GMEB2: variants seen among roughly 807,000 people sequenced by gnomAD.
The protein encoded by GMEB2 is glucocorticoid modulatory element-binding protein 2.
In GMEB2, 7 loss-of-function variants were observed where a neutral mutation model predicts 45.7. The ratio of observed to expected loss-of-function variants is 0.15; its 90% CI spans 0.09 to 0.29. The LOEUF (loss-of-function observed/expected upper bound fraction) is 0.29, where lower values mean the gene tolerates loss of function less well. Among genes scored for constraint, GMEB2 ranks in the 10% least tolerant of loss-of-function variants. GMEB2 has a pLI of 1.00. For missense variants in GMEB2, 582 were observed against 739.2 expected (o/e 0.79, Z 2.47); for synonymous variants, 322 against 323.6 (o/e 1.00, Z 0.05).
chr20:63,604,895 G>A, intron 2 of GMEB2, 55 bp from the exon 3 acceptor site: 1 of 967,056 alleles, frequency 1.0e-6, no homozygotes, highest in Non-Finnish European at 1.7e-6. Flanking sequence ...GGCACAACCT[G>A]CAGGGCACTA....
In GMEB2 at chr20:63,626,997, G is replaced by C. The variant is rs2089680029; in HGVS notation, c.-99C>G. The C allele has an allele frequency of 6.7e-6, 1 of 148,944 alleles. No homozygotes were observed. The highest frequency in any genetic ancestry group is 6.8e-5 in the Admixed American group (1 of 14,750). 9.2% of individuals were successfully genotyped at this position (148,944 alleles called of 1,614,324 possible). On this transcript the variant is annotated 5_prime_UTR_variant, in exon 1 of 10. Coordinates refer to ENST00000370077, the MANE Select transcript of GMEB2 (RefSeq NM_012384.5). ...CCTGCTTAGGCACCCGGCGGGGGCGGCGGCGTCGGGAGCTGCGGCGGCGGC... is the reference window on the plus strand; with the variant it reads ...CCTGCTTAGGCACCCGGCGGGGGCGCCGGCGTCGGGAGCTGCGGCGGCGGC...
intron 4 of GMEB2, among the ~76,000 whole-genome samples, chr20:63,601,917 C>A (rs1168278140): frequency 1.3e-5 from 2 of 150,682 alleles, no homozygotes; most frequent in African/African-American, 4.9e-5. Flanking sequence ...TCCGTGGGGC[C>A]TGTGGCTTCT....
intron 2 of GMEB2, among the ~76,000 whole-genome samples, chr20:63,607,006 C>T (rs1328304906): frequency 1.3e-5 from 2 of 152,220 alleles, no homozygotes; most frequent in Admixed American, 6.5e-5. Context: ...GGGCACTCCG[C>T]CTGCAGCCTA....
intron 4 of GMEB2, among the ~76,000 whole-genome samples, chr20:63,600,990 C>G (rs2083237817): frequency 6.6e-6 from 1 of 152,152 alleles, no homozygotes; most frequent in African/African-American, 2.4e-5. Context: ...TGCCAGCTTT[C>G]CCACCACAGC....
rs1295710525 is a variant in GMEB2 at position 63,612,764 on chromosome 20, C to T, written c.131+6503G>A. 3.4e-5 allele frequency among the ~76,000 whole-genome samples: 4 copies of T among 119,072 alleles called. 1 individual carries two copies. Among genetic ancestry groups the T allele is most frequent in the Admixed American group, 1.6e-4 (2 of 12,656 alleles). The allele number at this position is 119,072 out of a possible 152,430, so 78.1% of individuals were successfully genotyped here. A position where few individuals can be genotyped will look rare whatever the true frequency, so the allele number is the denominator to read the frequency against. ...GCCACCCAGCCGAGCCTACCTGTGC[C>T]TCAGACTGCCTCCCTCCAGAGACCC... On this transcript the variant is annotated intron_variant, in intron 2 of 9. Coordinates refer to ENST00000370077, the MANE Select transcript of GMEB2 (RefSeq NM_012384.5).
intron 1 of GMEB2, among the ~76,000 whole-genome samples, chr20:63,620,836 C>A (rs948685284): frequency 1.3e-5 from 2 of 152,058 alleles, no homozygotes; most frequent in African/African-American, 4.8e-5. Context: ...ATCCAGAACA[C>A]GATCAAACTT....
rs1233363062 is a variant in GMEB2, at chr20:63,593,591, C to CT, written c.620-510dup. Among the ~76,000 whole-genome samples, 2 of 152,110 alleles carry CT rather than the reference C, an allele frequency of 1.3e-5. No individual in the cohort carries two copies. The highest frequency in any genetic ancestry group is 4.8e-5 in the African/African-American group (2 of 41,412). On this transcript the variant is annotated intron_variant, in intron 6 of 9. Transcript: ENST00000370077. The surrounding 1 kb of genome is among the most constrained non-coding windows in gnomAD (Gnocchi z 4.7). ...TTTTTCTACACCAGAACAAGTGGGG[C>CT]TTTGAGAGACAGAAACCGTCCTGGC...
intron 1 of GMEB2, among the ~76,000 whole-genome samples, chr20:63,625,380 C>A (rs947850823): frequency 3.7e-4 from 56 of 151,946 alleles, no homozygotes; most frequent in Admixed American, 2.6e-4. Flanking sequence ...ATCATGTTGG[C>A]CAGGCTGGTC....
intron 1 of GMEB2, among the ~76,000 whole-genome samples, chr20:63,621,840 T>C (rs1398825170): frequency 6.6e-6 from 1 of 151,406 alleles, no homozygotes; most frequent in Admixed American, 6.6e-5. Flanking sequence ...AGAAAAATTT[T>C]CATGGCCAGG....
rs1323950758 is a variant in GMEB2, at chr20:63,588,895, G to A, written c.*1194C>T. On this transcript the variant is annotated 3_prime_UTR_variant, in exon 10 of 10. Transcript: ENST00000370077. Reference sequence around the variant, plus strand: ...GCCTGGTCTTCCTTGTGAGTCCAAGGCCAGGTCTCAGGACAGCCACAGACA... The same window carrying A: ...GCCTGGTCTTCCTTGTGAGTCCAAGACCAGGTCTCAGGACAGCCACAGACA... 2.5e-6 allele frequency: 1 copy of A among 398,708 alleles called. No homozygotes were observed. Among genetic ancestry groups the A allele is most frequent in the Non-Finnish European group, 4.4e-6 (1 of 226,134 alleles). 24.7% of individuals were successfully genotyped at this position (398,708 alleles called of 1,614,324 possible).
intron 2 of GMEB2, among the ~76,000 whole-genome samples, chr20:63,610,786 C>T (rs993274333): frequency 6.6e-6 from 1 of 152,218 alleles, no homozygotes; most frequent in Non-Finnish European, 1.5e-5. Context: ...CCCTCTGGTC[C>T]TTCATGGCTC....
chr20:63,596,838 C>T (rs1601009366), intron 5 of GMEB2, among the ~76,000 whole-genome samples: 1 of 152,078 alleles, frequency 6.6e-6, no homozygotes, highest in Non-Finnish European at 1.5e-5. Flanking sequence ...GACAATATGG[C>T]AAAATCCCGT....
intron 4 of GMEB2, among the ~76,000 whole-genome samples, chr20:63,600,818 G>T (rs1167568454): frequency 1.3e-5 from 2 of 151,814 alleles, no homozygotes; most frequent in Admixed American, 1.3e-4. Context: ...TATTAACGTA[G>T]GCTGTCTCTC....
At position 63,588,342 on chromosome 20, in the gene GMEB2, A is replaced by AG. The variant is rs1253968398; in HGVS notation, c.*1746dup. 2 of 160,004 alleles carry AG rather than the reference A, an allele frequency of 1.2e-5. No individual in the cohort carries two copies. Among genetic ancestry groups the AG allele is most frequent in the African/African-American group, 4.8e-5 (2 of 41,788 alleles). The allele number at this position is 160,004 out of a possible 1,614,324, so 9.9% of individuals were successfully genotyped here. A position where few individuals can be genotyped will look rare whatever the true frequency, so the allele number is the denominator to read the frequency against. On this transcript the variant is annotated 3_prime_UTR_variant, in exon 10 of 10. Coordinates refer to ENST00000370077, the MANE Select transcript of GMEB2 (RefSeq NM_012384.5). ...GGAAGGTTGCGGGTCCCAGGGTCAC[A>AG]GGCAGCTGTATTAGTGACAGGTTCT...
chr20:63,593,229 C>G lies in GMEB2; in HGVS notation c.620-147G>C, dbSNP rs2083165465. 10 of 612,564 alleles carry G rather than the reference C, an allele frequency of 1.6e-5. No individual in the cohort carries two copies. The highest frequency in any genetic ancestry group is 3.0e-5 in the Non-Finnish European group (10 of 331,864). 37.9% of individuals were successfully genotyped at this position (612,564 alleles called of 1,614,324 possible). The stretch of plus-strand genomic sequence containing the variant: ...AAACACAGGATACGCACTAGTACAG[C>G]CAAAGTGTACCTGCCTTATATTTTA... On this transcript the variant is annotated intron_variant, in intron 6 of 9. Coordinates refer to ENST00000370077, the MANE Select transcript of GMEB2 (RefSeq NM_012384.5). This position sits in a 1 kb window ranked among gnomAD's most constrained non-coding sequence, Gnocchi z 4.7.
chr20:63,616,903 T>C lies in GMEB2; in HGVS notation c.131+2364A>G, dbSNP rs145869576. On this transcript the variant is annotated intron_variant, in intron 2 of 9. Transcript: ENST00000370077. ...TCCCCAGTGTGACTGTATTTAAAGA[T>C]GGGGTCTTCAGGAGATAATTTAAAT... is the stretch of plus-strand genomic sequence containing the variant. 4.9e-3 allele frequency among the ~76,000 whole-genome samples: 753 copies of C among 152,170 alleles called. 5 individuals are homozygous for C. Among genetic ancestry groups the C allele is most frequent in the South Asian group, 7.5e-3 (36 of 4,822 alleles).
intron 2 of GMEB2, among the ~76,000 whole-genome samples, chr20:63,607,259 C>T (rs1197353534): frequency 7.0e-5 from 10 of 142,756 alleles, no homozygotes; most frequent in African/African-American, 2.4e-4. Flanking sequence ...AGAAACATGC[C>T]CCTCTGACCC....
intron 1 of GMEB2, among the ~76,000 whole-genome samples, chr20:63,626,644 G>A (rs1039300859): frequency 3.3e-5 from 5 of 151,720 alleles, no homozygotes; most frequent in African/African-American, 1.2e-4. Flanking sequence ...CCTGCGGGTC[G>A]CACCCCTGCG....
In GMEB2 at chr20:63,596,833, T is replaced by C. The variant is rs534401713; in HGVS notation, c.461+924A>G. On this transcript the variant is annotated intron_variant, in intron 5 of 9. Transcript: ENST00000370077. ...AAGTGTTCGAGACCAGCCTGGACAATATGGCAAAATCCCGTCTCTACTAAA... is the reference window on the plus strand; with the variant it reads ...AAGTGTTCGAGACCAGCCTGGACAACATGGCAAAATCCCGTCTCTACTAAA... 2.0e-5 allele frequency among the ~76,000 whole-genome samples: 3 copies of C among 152,180 alleles called. No individual in the cohort carries two copies. The South Asian group carries it at 6.2e-4, about 32-fold the overall frequency.
Sources: allele counts gnomAD v4.1 joint callset (sites outside exome capture counted in the v4.1 genomes callset), GRCh38; gene constraint gnomAD v4.1.1; non-coding constraint Gnocchi (gnomAD v3.1); transcripts MANE v1.5; gene names NCBI Gene and HGNC (gene_info 2026-07-23, HGNC 2026-07-21).